Variants in FLT1 observed in about 807,000 individuals in gnomAD.
FLT1 encodes vascular endothelial growth factor receptor 1.
FLT1 carries 49 observed loss-of-function variants against 156.3 expected under a neutral mutation model. The ratio of observed to expected loss-of-function variants is 0.31; its 90% CI spans 0.25 to 0.40. The LOEUF (loss-of-function observed/expected upper bound fraction) is 0.40. Among genes scored for constraint, FLT1 ranks in the 10% least tolerant of loss-of-function variants. The pLI, the probability that FLT1 is intolerant of heterozygous loss-of-function variation, is 1.00. For missense variants in FLT1, 1,322 were observed against 1,637.2 expected, an observed-to-expected ratio of 0.81 and a Z score of 3.32; for synonymous variants, 594 against 583.8, an observed-to-expected ratio of 1.02 and a Z score of -0.25.
Position 28,439,767 on chromosome 13 carries a change from G to C in FLT1, c.389-1422C>G. ...AAGCCAAAGAATGCCAAGGATTGCG[G>C]GCAACCACCAGCATGTAGGAAGAGG... On this transcript the variant is annotated intron_variant, in intron 3 of 29. Transcript: ENST00000282397. The surrounding 1 kb of genome is among the most constrained non-coding windows in gnomAD (Gnocchi z 4.1). 6.6e-6 allele frequency among the ~76,000 whole-genome samples: 1 copy of C among 152,180 alleles called. No homozygotes were observed. The highest frequency in any genetic ancestry group is 1.5e-5 in the Non-Finnish European group (1 of 68,034).
intron 3 of FLT1, among the ~76,000 whole-genome samples, chr13:28,459,880 G>A (rs920994422): frequency 6.6e-5 from 10 of 152,262 alleles, no homozygotes; most frequent in Non-Finnish European, 1.2e-4. Context: ...GCATGAAAGC[G>A]TGAACACCTT....
intron 29 of FLT1, 132 bp from the exon 30 acceptor site, chr13:28,303,500 C>CCT (rs1555297836): frequency 3.8e-6 from 3 of 785,656 alleles, no homozygotes; most frequent in African/African-American, 1.7e-5. Context: ...GAACCCCCCC[C>CCT]CCCTCAATTG....
chr13:28,397,535 GA>G (rs966250035), intron 11 of FLT1, among the ~76,000 whole-genome samples: 95 of 152,228 alleles, frequency 6.2e-4, no homozygotes, highest in African/African-American at 2.2e-3. Flanking sequence ...AGCAAGGACA[GA>G]AGATAATGTT....
chr13:28,453,106 CCTTTCCTTTCCTTTCCTTTCCTT>C (rs1566035870), intron 3 of FLT1, among the ~76,000 whole-genome samples: 7 of 74,542 alleles, frequency 9.4e-5, no homozygotes, highest in South Asian at 6.2e-4. Flanking sequence ...CCTTTCCTTT[CCTTTCCTTTCCTTTCCTTTCCTT>C]TCCTTTCCTT....
intron 13 of FLT1, chr13:28,389,451 C>T: frequency 5.4e-6 from 7 of 1,307,882 alleles, no homozygotes; most frequent in Non-Finnish European, 6.8e-6. Context: ...CAGGAGAAAA[C>T]AGCAAGAGCA....
At chr13:28,437,052 A>G (rs983893578) in intron 4 of FLT1, among the ~76,000 whole-genome samples, 6 of 152,218 alleles carry the variant, frequency 3.9e-5, no homozygotes, top group African/African-American at 1.4e-4. Flanking sequence ...ACTGAATGAG[A>G]AGGCAAGGTA....
At chr13:28,410,905 C>T (rs1218926741) in intron 10 of FLT1, among the ~76,000 whole-genome samples, 1 of 152,154 alleles carries the variant, frequency 6.6e-6, no homozygotes, top group Non-Finnish European at 1.5e-5. Flanking sequence ...TTCACTATCC[C>T]AGAGCTCTGT....
intron 11 of FLT1, among the ~76,000 whole-genome samples, chr13:28,397,902 ATTAT>A (rs1054019816): frequency 6.6e-6 from 1 of 152,124 alleles, no homozygotes; most frequent in Non-Finnish European, 1.5e-5. Context: ...CTTTAGTGCT[ATTAT>A]TTGACAACTT....
intron 25 of FLT1, among the ~76,000 whole-genome samples, chr13:28,313,820 T>C (rs1209435511): frequency 6.6e-6 from 1 of 151,588 alleles, no homozygotes; most frequent in Non-Finnish European, 1.5e-5. Flanking sequence ...AGATATCTCT[T>C]AAGTATATTT....
intron 3 of FLT1, among the ~76,000 whole-genome samples, chr13:28,461,775 G>A (rs1469658695): frequency 6.6e-6 from 1 of 152,082 alleles, no homozygotes; most frequent in South Asian, 2.1e-4. Flanking sequence ...GAATATCTAA[G>A]TTGTTAGAAA....
At position 28,340,087 on chromosome 13, in the gene FLT1, C is replaced by T. The variant is rs140742081; in HGVS notation, c.2356-787G>A. On this transcript the variant is annotated intron_variant, in intron 16 of 29. Coordinates refer to ENST00000282397, the MANE Select transcript of FLT1 (RefSeq NM_002019.4). Reference sequence around the variant, plus strand: ...AAAATTAGCTAGGTGTGGTGGTACACACCTGTAGTCCCAGCTACTTGGGAG... The same window carrying T: ...AAAATTAGCTAGGTGTGGTGGTACATACCTGTAGTCCCAGCTACTTGGGAG... Among the ~76,000 whole-genome samples, 38 of 152,184 alleles carry T rather than the reference C, an allele frequency of 2.5e-4. 2 individuals are homozygous for T. The East Asian group carries it at 6.6e-3, about 26-fold the overall frequency.
chr13:28,409,761 C>G (rs1434472961), intron 10 of FLT1, among the ~76,000 whole-genome samples: 4 of 151,940 alleles, frequency 2.6e-5, no homozygotes, highest in African/African-American at 9.7e-5. Flanking sequence ...CATCATGTGA[C>G]AAGAAATTAT....
At chr13:28,474,539 T>C (rs1017663667) in intron 1 of FLT1, among the ~76,000 whole-genome samples, 3 of 117,050 alleles carry the variant, frequency 2.6e-5, no homozygotes, top group Admixed American at 9.5e-5. Context: ...CCACAAATCA[T>C]TGTGCTAAGT....
chr13:28,464,159 G>A (rs576419891), intron 3 of FLT1, among the ~76,000 whole-genome samples: 3 of 152,120 alleles, frequency 2.0e-5, no homozygotes, highest in South Asian at 2.1e-4. Flanking sequence ...TATAATATTC[G>A]TAGTATATGT....
intron 10 of FLT1, among the ~76,000 whole-genome samples, chr13:28,424,860 A>G (rs918507529): frequency 6.6e-6 from 1 of 152,238 alleles, no homozygotes; most frequent in Non-Finnish European, 1.5e-5. Flanking sequence ...TTTCTTACTC[A>G]TGTGTTACTA....
intron 10 of FLT1, among the ~76,000 whole-genome samples, chr13:28,424,388 C>T (rs1246936131): frequency 6.6e-6 from 1 of 152,136 alleles, no homozygotes; most frequent in Non-Finnish European, 1.5e-5. Context: ...AAATTCTAGG[C>T]AAAACGAAAG....
chr13:28,312,140 A>G, intron 25 of FLT1, 42 bp from the exon 26 acceptor site: 1 of 1,241,378 alleles, frequency 8.1e-7, no homozygotes, highest in East Asian at 2.3e-5. Context: ...GAGAGCAGTG[A>G]TCATCCTATG....
chr13:28,321,335 G>A, intron 23 of FLT1, 128 bp downstream of exon 23: 4 of 1,180,106 alleles, frequency 3.4e-6, no homozygotes, highest in Non-Finnish European at 5.0e-6. Context: ...CATCTGGACT[G>A]TTTGTCTTCA....
Position 28,302,482 on chromosome 13 carries a change from T to G in FLT1, c.*685A>C, listed in dbSNP as rs1468429569. 4.3e-6 allele frequency: 1 copy of G among 233,232 alleles called. No individual in the cohort carries two copies. Among genetic ancestry groups the G allele is most frequent in the Non-Finnish European group, 8.5e-6 (1 of 118,086 alleles). The allele number at this position is 233,232 out of a possible 1,614,324, so 14.4% of individuals were successfully genotyped here. A position where few individuals can be genotyped will look rare whatever the true frequency, so the allele number is the denominator to read the frequency against. On this transcript the variant is annotated 3_prime_UTR_variant, in exon 30 of 30. Transcript: ENST00000282397. ...GTTCCAAAAAAGATATTTGTCCTTTTCTTGCCTCCCAGAATCCAGAAAATG... is the reference window on the plus strand; with the variant it reads ...GTTCCAAAAAAGATATTTGTCCTTTGCTTGCCTCCCAGAATCCAGAAAATG...
Sources: gnomAD v4.1 joint callset for allele counts (sites outside exome capture counted in the v4.1 genomes callset) on GRCh38, gnomAD v4.1.1 for gene constraint, Gnocchi (gnomAD v3.1) non-coding constraint, MANE v1.5 for transcripts, NCBI Gene and HGNC (gene_info 2026-07-23, HGNC 2026-07-21) for gene names.